CLEC3A: variants seen among roughly 807,000 people sequenced by gnomAD.
CLEC3A encodes the protein C-type (calcium dependent, carbohydrate-recognition domain) lectin, superfamily member 1 (cartilage-derived).
In CLEC3A, 28 loss-of-function variants were observed where a neutral mutation model predicts 20.4. The ratio of observed to expected loss-of-function variants is 1.37; its 90% confidence interval spans 1.02 to 1.88. The LOEUF is 1.88. CLEC3A is among the 40% of genes most tolerant of loss of function. CLEC3A has a pLI of 0.00. For synonymous variants in CLEC3A, 110 were observed against 88.1 expected (o/e 1.25, Z -1.39); for missense variants, 357 against 240.4 (o/e 1.48, Z -3.21).
Position 78,031,836 on chromosome 16 carries a change from G to T in CLEC3A, c.*995G>T, listed in dbSNP as rs1486595270. The T allele has an allele frequency of 1.3e-5, 2 of 152,032 alleles. No individual in the cohort carries two copies. Among genetic ancestry groups the T allele is most frequent in the East Asian group, 3.9e-4 (2 of 5,164 alleles). The allele number at this position is 152,032 out of a possible 1,614,324, so 9.4% of individuals were successfully genotyped here. A position where few individuals can be genotyped will look rare whatever the true frequency, so the allele number is the denominator to read the frequency against. On this transcript the variant is annotated 3_prime_UTR_variant, in exon 3 of 3. Coordinates refer to ENST00000299642, the MANE Select transcript of CLEC3A (RefSeq NM_005752.6). ...ATACGTCTGTGCAATTTTTTATTCT[G>T]CCTAGTGCTATTCTGCTTGTTTAAC...
In CLEC3A at chr16:78,030,541, A is replaced by C. The variant is rs1567544874; in HGVS notation, c.294A>C (p.Lys98Asn). 1 of 1,614,166 alleles carries C rather than the reference A, an allele frequency of 6.2e-7. No homozygotes were observed. The highest frequency in any genetic ancestry group is 2.2e-5 in the East Asian group (1 of 44,858). Residue 98 changes from lysine (K) to asparagine (N), a missense_variant, in exon 3 of 3, where the codon AAA (lysine) becomes AAC (asparagine). Coordinates refer to ENST00000299642, the MANE Select transcript of CLEC3A (RefSeq NM_005752.6). The stretch of plus-strand genomic sequence containing the variant: ...AGGCCAATGAAGACTGCATTTCCAA[A>C]GGAGGAATCCTGGTTATCCCCAGGA... ...FHEANEDCISKGGILVIPRNS... is the reference protein window; with the variant it reads ...FHEANEDCISNGGILVIPRNS...
intron 1 of CLEC3A, among the ~76,000 whole-genome samples, chr16:78,025,410 A>AATTGC (rs2018799368): frequency 6.6e-6 from 1 of 152,158 alleles, no homozygotes; most frequent in African/African-American, 2.4e-5. Context: ...CCAGAAGTAA[A>AATTGC]ATTGCAGGTT....
In CLEC3A at chr16:78,023,305, A is replaced by G. The variant is rs77215776; in HGVS notation, c.115+564A>G. Among the ~76,000 whole-genome samples the G allele has an allele frequency of 1.5e-3, 227 of 152,288 alleles. 1 individual carries two copies. The South Asian group carries it at 0.032, about 21-fold the overall frequency. ...CCATATATTTAAACTTTTTCATGTCAGAGACATTGAATCTCTCCAACTTAA... is the reference window on the plus strand; with the variant it reads ...CCATATATTTAAACTTTTTCATGTCGGAGACATTGAATCTCTCCAACTTAA... On this transcript the variant is annotated intron_variant, in intron 1 of 2. Coordinates refer to ENST00000299642, the MANE Select transcript of CLEC3A (RefSeq NM_005752.6).
In CLEC3A at chr16:78,031,677, G is replaced by T. The variant is rs912547676; in HGVS notation, c.*836G>T. On this transcript the variant is annotated 3_prime_UTR_variant, in exon 3 of 3. Transcript: ENST00000299642. ...TCTCACCTTTTATGAGATTGAGAGT[G>T]GACTTACATTTCCTTTTTTACATTT... is the stretch of plus-strand genomic sequence containing the variant. The T allele has an allele frequency of 2.9e-4, 44 of 152,018 alleles. No individual in the cohort carries two copies. Among genetic ancestry groups the T allele is most frequent in the African/African-American group, 1.0e-3 (42 of 41,386 alleles). 9.4% of individuals were successfully genotyped at this position (152,018 alleles called of 1,614,324 possible). A position where few individuals can be genotyped will look rare whatever the true frequency, so the allele number is the denominator to read the frequency against.
rs895562299 is a variant in CLEC3A at position 78,030,030 on chromosome 16, G to A, written c.200-417G>A. ...TAGCCGAGTGTGGTGGCAGGCACCT[G>A]TAGTCCCAGCTACTCGGGAGCCTGA... On this transcript the variant is annotated intron_variant, in intron 2 of 2. Transcript: ENST00000299642. Among the ~76,000 whole-genome samples, 19 of 151,974 alleles carry A rather than the reference G, an allele frequency of 1.3e-4. 1 individual carries two copies. Among genetic ancestry groups the A allele is most frequent in the East Asian group, 5.9e-4 (3 of 5,112 alleles).
intron 2 of CLEC3A, among the ~76,000 whole-genome samples, chr16:78,030,231 G>C (rs1249609221): frequency 6.6e-6 from 1 of 151,644 alleles, no homozygotes; most frequent in Non-Finnish European, 1.5e-5. Context: ...TGTAAAAATA[G>C]GGGTAATAAA....
chr16:78,031,161 G>T lies in CLEC3A; in HGVS notation c.*320G>T. ...GTTTTCAAAAAATCACAGTAGCAAT[G>T]CAACTCATCACTCTAGAAAAGCAAG... On this transcript the variant is annotated 3_prime_UTR_variant, in exon 3 of 3. Transcript: ENST00000299642. 1 of 222,314 alleles carries T rather than the reference G, an allele frequency of 4.5e-6. No homozygotes were observed. The highest frequency in any genetic ancestry group is 8.8e-6 in the Non-Finnish European group (1 of 114,172). The allele number at this position is 222,314 out of a possible 1,614,324, so 13.8% of individuals were successfully genotyped here.
Position 78,022,583 on chromosome 16 carries a change from C to T in CLEC3A, c.-44C>T, listed in dbSNP as rs759742922. On this transcript the variant is annotated 5_prime_UTR_variant, in exon 1 of 3. Coordinates refer to ENST00000299642, the MANE Select transcript of CLEC3A (RefSeq NM_005752.6). The stretch of plus-strand genomic sequence containing the variant: ...TGTGTAGTCTCCTTCCATAGCTGCT[C>T]TAAGGGGGCTGGCAACATGGCTCAG... 12 of 1,608,070 alleles carry T rather than the reference C, an allele frequency of 7.5e-6. No homozygotes were observed. The highest frequency in any genetic ancestry group is 5.4e-5 in the African/African-American group (4 of 74,660).
chr16:78,030,949 C>A lies in CLEC3A; in HGVS notation c.*108C>A. On this transcript the variant is annotated 3_prime_UTR_variant, in exon 3 of 3. Coordinates refer to ENST00000299642, the MANE Select transcript of CLEC3A (RefSeq NM_005752.6). ...TTTTACTTATTAAAAAATTGCAACA[C>A]AAGATCAATGTCCATAGCAATATGA... The A allele has an allele frequency of 2.4e-6, 3 of 1,251,438 alleles. No individual in the cohort carries two copies. Among genetic ancestry groups the A allele is most frequent in the Non-Finnish European group, 3.3e-6 (3 of 917,844 alleles). The allele number at this position is 1,251,438 out of a possible 1,614,324, so 77.5% of individuals were successfully genotyped here. A position where few individuals can be genotyped will look rare whatever the true frequency, so the allele number is the denominator to read the frequency against.
At position 78,031,946 on chromosome 16, in the gene CLEC3A, A is replaced by C. The variant is rs1314783759; in HGVS notation, c.*1105A>C. 6.6e-6 allele frequency: 1 copy of C among 152,618 alleles called. No individual in the cohort carries two copies. Among genetic ancestry groups the C allele is most frequent in the Non-Finnish European group, 1.5e-5 (1 of 68,034 alleles). 9.5% of individuals were successfully genotyped at this position (152,618 alleles called of 1,614,324 possible). A position where few individuals can be genotyped will look rare whatever the true frequency, so the allele number is the denominator to read the frequency against. On this transcript the variant is annotated 3_prime_UTR_variant, in exon 3 of 3. Coordinates refer to ENST00000299642, the MANE Select transcript of CLEC3A (RefSeq NM_005752.6). ...GAAATGGGCTTTTTAGAAGCAAACA[A>C]TTTTAAATATATTTTGTTCTTCAAA...
intron 2 of CLEC3A, among the ~76,000 whole-genome samples, chr16:78,028,671 C>T (rs1435103043): frequency 6.6e-6 from 1 of 152,212 alleles, no homozygotes; most frequent in African/African-American, 2.4e-5. Context: ...GAGCTATTCT[C>T]CAAGGGGTGA....
chr16:78,030,406 T>C (rs562372276), intron 2 of CLEC3A, 41 bp from the exon 3 acceptor site: 1 of 1,537,568 alleles, frequency 6.5e-7, no homozygotes, highest in Non-Finnish European at 8.8e-7. Flanking sequence ...CATAATACAC[T>C]CAAAATGCAT....
At chr16:78,028,612 C>T (rs563574559) in intron 2 of CLEC3A, among the ~76,000 whole-genome samples, 10 of 152,334 alleles carry the variant, frequency 6.6e-5, no homozygotes, top group East Asian at 3.9e-4. Flanking sequence ...AACAGGGCAG[C>T]GCCAGCGTTC....
chr16:78,030,190 A>C (rs1323027134), intron 2 of CLEC3A, among the ~76,000 whole-genome samples: 2 of 151,510 alleles, frequency 1.3e-5, no homozygotes, highest in Non-Finnish European at 2.9e-5. Context: ...TGTTACAAGT[A>C]ACAACTTCTC....
At position 78,028,123 on chromosome 16, in the gene CLEC3A, G is replaced by C. The variant is rs537254421; in HGVS notation, c.132G>C (p.Leu44=). The change falls in exon 2 of 3, where the codon CTG becomes CTC. Residue 44 remains leucine (L), a synonymous_variant. Transcript: ENST00000299642. ...KRRVRDKDGD[L]KTQIEKLWTE... ...TTTCCCCAGACAAGGATGGAGATCT[G>C]AAGACTCAAATTGAAAAGCTCTGGA... 1 of 1,609,880 alleles carries C rather than the reference G, an allele frequency of 6.2e-7. No individual in the cohort carries two copies. Among genetic ancestry groups the C allele is most frequent in the East Asian group, 2.2e-5 (1 of 44,798 alleles).
chr16:78,024,897 G>A (rs189132766), intron 1 of CLEC3A, among the ~76,000 whole-genome samples: 49 of 152,158 alleles, frequency 3.2e-4, no homozygotes, highest in Non-Finnish European at 2.6e-4. Flanking sequence ...TGTGATCTCG[G>A]CTCACTGCAA....
intron 1 of CLEC3A, among the ~76,000 whole-genome samples, chr16:78,023,080 G>T (rs535471667): frequency 1.3e-5 from 2 of 152,238 alleles, no homozygotes; most frequent in Non-Finnish European, 2.9e-5. Context: ...ATTAATATGG[G>T]GCAAGAAGAA....
chr16:78,028,709 G>T (rs1412507345), intron 2 of CLEC3A, among the ~76,000 whole-genome samples: 2 of 152,230 alleles, frequency 1.3e-5, no homozygotes, highest in Admixed American at 6.5e-5. Flanking sequence ...GCAGGTTTGG[G>T]AACAGCCCTG....
intron 2 of CLEC3A, chr16:78,028,985 G>C (rs1374034097): frequency 2.7e-6 from 1 of 376,936 alleles, no homozygotes; most frequent in Non-Finnish European, 5.2e-6. Context: ...GAATTAGAAA[G>C]TTAAAAGACA....
Sources: gnomAD v4.1 joint callset for allele counts (sites outside exome capture counted in the v4.1 genomes callset) on GRCh38, gnomAD v4.1.1 for gene constraint, MANE v1.5 for transcripts, NCBI Gene and HGNC (gene_info 2026-07-23, HGNC 2026-07-21) for gene names.